MMEL1: variants seen among roughly 807,000 people sequenced by gnomAD.
MMEL1 encodes the protein membrane metallo-endopeptidase-like 1.
A neutral mutation model predicts 117.1 loss-of-function variants in MMEL1; 98 were observed. The observed-to-expected ratio is 0.84, with a 90% CI of 0.71 to 0.99. The LOEUF is 0.99. Among genes scored for constraint, MMEL1 ranks in the 50% least tolerant of loss-of-function variants. The pLI is 0.00. For missense variants in MMEL1, 1,014 were observed against 1,049.1 expected (o/e 0.97, Z 0.46); for synonymous variants, 390 against 415.1 (o/e 0.94, Z 0.74).
Position 2,629,829 on chromosome 1 carries a change from CT to C in MMEL1, c.-37-309del, listed in dbSNP as rs548149861. 6.6e-3 allele frequency: 1,413 copies of C among 214,878 alleles called. 10 individuals carry two copies. Among genetic ancestry groups the C allele is most frequent in the Non-Finnish European group, 8.5e-3 (937 of 110,298 alleles). 13.3% of individuals were successfully genotyped at this position (214,878 alleles called of 1,614,324 possible). A position where few individuals can be genotyped will look rare whatever the true frequency, so the allele number is the denominator to read the frequency against. On this transcript the variant is annotated intron_variant, in intron 1 of 23. Transcript: ENST00000378412. The stretch of plus-strand genomic sequence containing the variant: ...GGACTCCTGTAGTGGAGCCCCCCCC[CT>C]GGGCTGCTCATGCTGGTTGTCTTGG...
chr1:2,628,273 G>T (rs532602479), intron 2 of MMEL1, among the ~76,000 whole-genome samples: 33 of 152,322 alleles, frequency 2.2e-4, no homozygotes, highest in Non-Finnish European at 3.5e-4. Flanking sequence ...CTGTACAGTG[G>T]CCAGCCATGC....
chr1:2,595,453 C>T lies in MMEL1; in HGVS notation c.1501-94G>A, dbSNP rs1205335052. ...GTGAGTGCCACACTGTGGGAGGGGT[C>T]AGCCCGGGGCATCCTGGCTGTGCTC... On this transcript the variant is annotated intron_variant, in intron 15 of 23. Transcript: ENST00000378412. The surrounding 1 kb of genome is among the most constrained non-coding windows in gnomAD (Gnocchi z 4.8). The T allele has an allele frequency of 2.9e-6, 3 of 1,035,560 alleles. No individual in the cohort carries two copies. In the African/African-American group the frequency reaches 4.7e-5, roughly 16 times the overall value. 64.1% of individuals were successfully genotyped at this position (1,035,560 alleles called of 1,614,324 possible).
Position 2,604,135 on chromosome 1 carries a change from C to CCCCCCCCAAACCAG in MMEL1, c.951+11_951+12insCTGGTTTGGGGGGG. The CCCCCCCCAAACCAG allele has an allele frequency of 3.9e-6, 6 of 1,520,148 alleles. No homozygotes were observed. Among genetic ancestry groups the CCCCCCCCAAACCAG allele is most frequent in the Non-Finnish European group, 5.5e-6 (6 of 1,100,344 alleles). 94.2% of individuals were successfully genotyped at this position (1,520,148 alleles called of 1,614,324 possible). A position where few individuals can be genotyped will look rare whatever the true frequency, so the allele number is the denominator to read the frequency against. On this transcript the variant is annotated intron_variant, in intron 10 of 23. Transcript: ENST00000378412. ...CTCGCTGCCCGCTCCCCACCCGCCC[C>CCCCCCCCAAACCAG]GGCCCCCTTACCTTGGCCAGCTGTG...
chr1:2,596,756 T>G (rs1451470242), intron 13 of MMEL1, 67 bp from the exon 14 acceptor site: 2 of 1,590,530 alleles, frequency 1.3e-6, no homozygotes, highest in East Asian at 4.5e-5. Flanking sequence ...CGTGGGGCCC[T>G]GGGCTTACGG....
Position 2,595,428 on chromosome 1 carries a change from G to A in MMEL1, c.1501-69C>T. The A allele has an allele frequency of 7.2e-7, 1 of 1,380,606 alleles. No homozygotes were observed. The highest frequency in any genetic ancestry group is 1.0e-6 in the Non-Finnish European group (1 of 970,892). 85.5% of individuals were successfully genotyped at this position (1,380,606 alleles called of 1,614,324 possible). ...ATGGAGTCAGCCCGGGGGCCGGTCAGTGAGTGCCACACTGTGGGAGGGGTC... is the reference window on the plus strand; with the variant it reads ...ATGGAGTCAGCCCGGGGGCCGGTCAATGAGTGCCACACTGTGGGAGGGGTC... On this transcript the variant is annotated intron_variant, in intron 15 of 23. Coordinates refer to ENST00000378412, the MANE Select transcript of MMEL1 (RefSeq NM_033467.4). This position sits in a 1 kb window ranked among gnomAD's most constrained non-coding sequence, Gnocchi z 4.8.
intron 2 of MMEL1, among the ~76,000 whole-genome samples, chr1:2,628,119 C>G (rs1410653925): frequency 6.6e-6 from 1 of 152,200 alleles, no homozygotes; most frequent in East Asian, 1.9e-4. Flanking sequence ...AGGCTCTGAA[C>G]AGAGCTTCCC....
intron 8 of MMEL1, among the ~76,000 whole-genome samples, chr1:2,606,007 C>T (rs946956490): frequency 6.6e-6 from 1 of 152,198 alleles, no homozygotes; most frequent in African/African-American, 2.4e-5. Context: ...TTCAGGAGCC[C>T]CCGCCCCTCT....
At position 2,594,651 on chromosome 1, in the gene MMEL1, T is replaced by C. The variant is rs984013488; in HGVS notation, c.1688+139A>G. On this transcript the variant is annotated intron_variant, in intron 17 of 23. Coordinates refer to ENST00000378412, the MANE Select transcript of MMEL1 (RefSeq NM_033467.4). Reference sequence around the variant, plus strand: ...GGGTGATGGGGGACTCTGTCCAAGATAGGCCCAGTGACTGCACCCCTCAGC... The same window carrying C: ...GGGTGATGGGGGACTCTGTCCAAGACAGGCCCAGTGACTGCACCCCTCAGC... 15 of 894,130 alleles carry C rather than the reference T, an allele frequency of 1.7e-5. No homozygotes were observed. In the African/African-American group the frequency reaches 2.0e-4, roughly 12 times the overall value. The allele number at this position is 894,130 out of a possible 1,614,324, so 55.4% of individuals were successfully genotyped here. A position where few individuals can be genotyped will look rare whatever the true frequency, so the allele number is the denominator to read the frequency against.
intron 9 of MMEL1, among the ~76,000 whole-genome samples, chr1:2,605,059 C>T (rs886848351): frequency 1.3e-5 from 2 of 152,148 alleles, no homozygotes; most frequent in African/African-American, 4.8e-5. Flanking sequence ...GTGCTGGATG[C>T]CTTGCCCTCC....
intron 21 of MMEL1, among the ~76,000 whole-genome samples, 164 bp from the exon 22 acceptor site, chr1:2,592,191 A>G (rs892237834): frequency 1.8e-4 from 26 of 148,018 alleles, no homozygotes; most frequent in African/African-American, 6.4e-4. Flanking sequence ...TCACCACCTC[A>G]GTCACTCAGG....
chr1:2,616,721 C>T (rs978170905), intron 2 of MMEL1, among the ~76,000 whole-genome samples: 1 of 152,202 alleles, frequency 6.6e-6, no homozygotes, highest in Non-Finnish European at 1.5e-5. Context: ...GACGGGAGAC[C>T]TGGACCCAAA....
intron 2 of MMEL1, among the ~76,000 whole-genome samples, chr1:2,613,790 G>A (rs1415315628): frequency 6.6e-6 from 1 of 152,112 alleles, no homozygotes; most frequent in African/African-American, 2.4e-5. Context: ...GGTTGAGGCT[G>A]CAGTGAGCTG....
Position 2,598,293 on chromosome 1 carries a change from G to A in MMEL1, c.1186C>T (p.Gln396Ter), listed in dbSNP as rs1385234491. 2 of 1,614,044 alleles carry A rather than the reference G, an allele frequency of 1.2e-6. No individual in the cohort carries two copies. The highest frequency in any genetic ancestry group is 8.5e-7 in the Non-Finnish European group (1 of 1,179,980). Residue 396 changes from glutamine (Q) to a stop codon, truncating the protein, a stop_gained, in exon 13 of 24, where the codon CAG becomes TAG. Coordinates refer to ENST00000378412, the MANE Select transcript of MMEL1 (RefSeq NM_033467.4). LOFTEE classifies it high-confidence loss of function. ...ACCAGGCGCCAGACCAGGTAGTTCT[G>A]TATGGTCCTGGGGGCAGAAGGTAGA... Reference protein sequence around the residue: ...IIDTYSARTIQNYLVWRLVLD... With the variant: ...IIDTYSARTI
chr1:2,611,336 G>T lies in MMEL1; in HGVS notation c.237C>A (p.Ile79=), dbSNP rs1170499874. The T allele has an allele frequency of 1.9e-6, 3 of 1,540,048 alleles. No homozygotes were observed. Among genetic ancestry groups the T allele is most frequent in the Non-Finnish European group, 2.6e-6 (3 of 1,143,948 alleles). Residue 79 remains isoleucine (I), a synonymous_variant, in exon 4 of 24, where the codon ATC becomes ATA. Transcript: ENST00000378412. ...RTFVKRKPRG[I]PEAQEVSEVC... ...CCTCGCTCACCTCTTGGGCCTCTGG[G>T]ATCCCTGCGGGCAAGGAGCAGCCTG...
Position 2,595,416 on chromosome 1 carries a change from G to A in MMEL1, c.1501-57C>T, listed in dbSNP as rs572385820. On this transcript the variant is annotated intron_variant, in intron 15 of 23. Coordinates refer to ENST00000378412, the MANE Select transcript of MMEL1 (RefSeq NM_033467.4). The surrounding 1 kb of genome is among the most constrained non-coding windows in gnomAD (Gnocchi z 4.8). ...GCCCCACTGCGGATGGAGTCAGCCC[G>A]GGGGCCGGTCAGTGAGTGCCACACT... 130 of 1,500,462 alleles carry A rather than the reference G, an allele frequency of 8.7e-5. No homozygotes were observed. The highest frequency in any genetic ancestry group is 1.6e-4 in the South Asian group (14 of 88,196). 92.9% of individuals were successfully genotyped at this position (1,500,462 alleles called of 1,614,324 possible). A position where few individuals can be genotyped will look rare whatever the true frequency, so the allele number is the denominator to read the frequency against.
chr1:2,626,713 T>A (rs1048777456), intron 2 of MMEL1, among the ~76,000 whole-genome samples: 8 of 152,154 alleles, frequency 5.3e-5, no homozygotes, highest in African/African-American at 1.7e-4. Flanking sequence ...TTTGATTTTA[T>A]AAAAGAAAGT....
Position 2,591,979 on chromosome 1 carries a change from C to T in MMEL1, c.2116G>A (p.Gly706Ser), listed in dbSNP as rs141763894. 8.1e-4 allele frequency: 1,312 copies of T among 1,613,292 alleles called. 1 individual carries two copies. Among genetic ancestry groups the T allele is most frequent in the African/African-American group, 6.1e-3 (457 of 75,004 alleles). ...AEGGKDQQLP[G>S]LDLTHEQLFF... is the part of the protein sequence containing the mutation. ...AGCTGCTCATGGGTGAGATCCAGGC[C>T]GGGCAGCTGCTGGTCCTTGCCACCC... Residue 706 changes from glycine to serine, a missense_variant, in exon 22 of 24, where the codon GGC becomes AGC. By Grantham distance (56) the Gly-to-Ser change is moderately conservative (BLOSUM62 0). Coordinates refer to ENST00000378412, the MANE Select transcript of MMEL1 (RefSeq NM_033467.4).
chr1:2,610,073 C>T (rs183212388), intron 4 of MMEL1, among the ~76,000 whole-genome samples: 71 of 152,312 alleles, frequency 4.7e-4, no homozygotes, highest in Non-Finnish European at 8.1e-4. Flanking sequence ...CAGGGTCTCA[C>T]TCTGTTGCCC....
chr1:2,630,677 ACGTGTGTGCGTGTACACT>A (rs1310952777), intron 1 of MMEL1, among the ~76,000 whole-genome samples: 2 of 145,912 alleles, frequency 1.4e-5, no homozygotes, highest in South Asian at 4.4e-4. Context: ...GCGGATATGC[ACGTGTGTGCGTGTACACT>A]CGTGTGTGCA....
Sources: gnomAD v4.1 joint callset for allele counts (sites outside exome capture counted in the v4.1 genomes callset) on GRCh38, gnomAD v4.1.1 for gene constraint, Gnocchi (gnomAD v3.1) non-coding constraint, MANE v1.5 for transcripts, NCBI Gene and HGNC (gene_info 2026-07-23, HGNC 2026-07-21) for gene names.